Variants in ITGA1 observed in about 807,000 individuals in gnomAD.
ITGA1 encodes integrin subunit alpha 1, also known as integrin alpha-1.
A neutral mutation model predicts 145.9 loss-of-function variants in ITGA1; 85 were observed. The ratio of observed to expected loss-of-function variants is 0.58; its 90% CI spans 0.49 to 0.70. ITGA1 has a LOEUF of 0.70. Among genes scored for constraint, ITGA1 ranks in the 30% least tolerant of loss-of-function variants. The probability of loss-of-function intolerance (pLI) is 0.00; values close to 1 mark genes in which losing one functional copy is unlikely to be tolerated. For missense variants in ITGA1, 1,351 were observed against 1,418.7 expected (o/e 0.95, Z 0.77); for synonymous variants, 520 against 495.3 (o/e 1.05, Z -0.66).
intron 1 of ITGA1, among the ~76,000 whole-genome samples, chr5:52,822,833 A>G (rs1748900862): frequency 1.3e-5 from 2 of 152,212 alleles, no homozygotes; most frequent in Non-Finnish European, 2.9e-5. Flanking sequence ...GGGAACTTGA[A>G]TCAGAGCAAG....
intron 9 of ITGA1, among the ~76,000 whole-genome samples, chr5:52,896,982 G>A (rs886953843): frequency 7.9e-5 from 12 of 152,092 alleles, no homozygotes; most frequent in African/African-American, 2.9e-4. Flanking sequence ...CCTGAATATG[G>A]GTGGGACTGA....
At chr5:52,819,845 C>G (rs539123911) in intron 1 of ITGA1, among the ~76,000 whole-genome samples, 1 of 152,084 alleles carries the variant, frequency 6.6e-6, no homozygotes, top group African/African-American at 2.4e-5. Context: ...GGAAGGGATC[C>G]GGTTTCAGCT....
intron 14 of ITGA1, among the ~76,000 whole-genome samples, chr5:52,911,719 A>G (rs182291554): frequency 0.038 from 4,735 of 123,958 alleles, 726 homozygotes; most frequent in African/African-American, 0.15. Flanking sequence ...TATATATACT[A>G]TACATATAGT....
chr5:52,845,810 A>G (rs1250029127), intron 1 of ITGA1, among the ~76,000 whole-genome samples: 1 of 152,184 alleles, frequency 6.6e-6, no homozygotes, highest in Non-Finnish European at 1.5e-5. Flanking sequence ...CTGCAGAAGT[A>G]TTATTTTATG....
intron 24 of ITGA1, 117 bp downstream of exon 24, chr5:52,937,631 G>T: frequency 1.5e-6 from 1 of 684,414 alleles, no homozygotes; most frequent in East Asian, 2.5e-5. Flanking sequence ...AACATGGAGA[G>T]GTATTTAGAT....
intron 1 of ITGA1, among the ~76,000 whole-genome samples, chr5:52,791,277 C>T (rs6889045): frequency 0.4 from 60,914 of 151,824 alleles, 13,793 homozygotes; most frequent in South Asian, 0.54. Context: ...GAGCATCTAG[C>T]GCAAGCAACA....
intron 1 of ITGA1, chr5:52,800,339 G>T (rs1748442247): frequency 2.5e-6 from 4 of 1,599,036 alleles, no homozygotes; most frequent in Non-Finnish European, 3.4e-6. Context: ...CTCCCGGGGC[G>T]GAGGTGAGGA....
intron 9 of ITGA1, among the ~76,000 whole-genome samples, chr5:52,896,892 A>G (rs1750235270): frequency 6.6e-6 from 1 of 152,168 alleles, no homozygotes; most frequent in Non-Finnish European, 1.5e-5. Flanking sequence ...GATACTTACC[A>G]CCAGTAATTA....
At chr5:52,879,242 T>C (rs957635489) in intron 6 of ITGA1, among the ~76,000 whole-genome samples, 1 of 151,786 alleles carries the variant, frequency 6.6e-6, no homozygotes, top group Non-Finnish European at 1.5e-5. Flanking sequence ...ATTAAGTAGA[T>C]GCCAAAATTT....
At chr5:52,870,698 T>G (rs1749764572) in intron 6 of ITGA1, among the ~76,000 whole-genome samples, 1 of 152,172 alleles carries the variant, frequency 6.6e-6, no homozygotes, top group Non-Finnish European at 1.5e-5. Flanking sequence ...ATGCATGTGT[T>G]TTCCCAGGAT....
At chr5:52,807,873 A>G (rs1748619173) in intron 1 of ITGA1, among the ~76,000 whole-genome samples, 1 of 152,054 alleles carries the variant, frequency 6.6e-6, no homozygotes, top group Admixed American at 6.5e-5. Context: ...CACTATTACA[A>G]TAAACTTTTT....
rs113499008 is a variant in ITGA1 at position 52,889,702 on chromosome 5, A to G, written c.924+1737A>G. The G allele has an allele frequency of 9.4e-3, 1,430 of 152,524 alleles. 28 individuals carry two copies. Among genetic ancestry groups the G allele is most frequent in the African/African-American group, 0.033 (1,375 of 41,548 alleles). 9.4% of individuals were successfully genotyped at this position (152,524 alleles called of 1,614,324 possible). Reference sequence around the variant, plus strand: ...CCACTATCCTCCCAGGCCACAGTGCAGAACCATGGTCGGAAGGGTGCTTGA... The same window carrying G: ...CCACTATCCTCCCAGGCCACAGTGCGGAACCATGGTCGGAAGGGTGCTTGA... On this transcript the variant is annotated intron_variant, in intron 8 of 28. Transcript: ENST00000282588.
At chr5:52,825,716 G>A (rs1169189101) in intron 1 of ITGA1, among the ~76,000 whole-genome samples, 1 of 152,084 alleles carries the variant, frequency 6.6e-6, no homozygotes, top group Non-Finnish European at 1.5e-5. Context: ...TCAGGAGATC[G>A]AGACCATTCT....
chr5:52,904,826 C>G (rs932129607), intron 11 of ITGA1: 1 of 146,180 alleles, frequency 6.8e-6, no homozygotes, highest in Non-Finnish European at 1.5e-5. Flanking sequence ...GCACTCCAAC[C>G]TGGACAACAG....
At chr5:52,930,588 C>A (rs991691497) in intron 21 of ITGA1, among the ~76,000 whole-genome samples, 11 of 151,922 alleles carry the variant, frequency 7.2e-5, no homozygotes, top group African/African-American at 2.4e-4. Flanking sequence ...TTAATAGAAG[C>A]TGAAATAATA....
At chr5:52,883,676 C>G (rs1750001446) in intron 7 of ITGA1, among the ~76,000 whole-genome samples, 1 of 152,026 alleles carries the variant, frequency 6.6e-6, no homozygotes, top group African/African-American at 2.4e-5. Flanking sequence ...TTACTTTTGT[C>G]AATAAACTTA....
At position 52,915,571 on chromosome 5, in the gene ITGA1, C is replaced by T; in HGVS notation, c.1965C>T (p.Gly655=). The T allele has an allele frequency of 6.2e-7, 1 of 1,613,916 alleles. No individual in the cohort carries two copies. Among genetic ancestry groups the T allele is most frequent in the South Asian group, 1.1e-5 (1 of 91,068 alleles). ...GTCTGACAGATGTGACTATTGGGGG[C>T]CTTGGTGGTGCTGCCCTCTTCTGGT... ...GDGLTDVTIG[G]LGGAALFWSR... The change falls in exon 15 of 29, where the codon GGC becomes GGT. Residue 655 remains glycine (G), a synonymous_variant. Transcript: ENST00000282588.
chr5:52,877,907 C>T (rs1749892551), intron 6 of ITGA1, among the ~76,000 whole-genome samples: 3 of 152,140 alleles, frequency 2.0e-5, no homozygotes, highest in African/African-American at 7.2e-5. Context: ...CAGAAGCAAA[C>T]CCTGAGAGGA....
At chr5:52,910,701 T>C (rs1750493963) in intron 14 of ITGA1, among the ~76,000 whole-genome samples, 1 of 147,144 alleles carries the variant, frequency 6.8e-6, no homozygotes, top group Non-Finnish European at 1.5e-5. Context: ...ATATACACAC[T>C]ATATACTATA....
Sources: allele counts gnomAD v4.1 joint callset (sites outside exome capture counted in the v4.1 genomes callset), GRCh38; gene constraint gnomAD v4.1.1; transcripts MANE v1.5; gene names NCBI Gene and HGNC (gene_info 2026-07-23, HGNC 2026-07-21).